GRIP1: variants seen among roughly 807,000 people sequenced by gnomAD.
The protein encoded by GRIP1 is glutamate receptor-interacting protein 1.
Under a neutral mutation model 129.9 loss-of-function variants are expected in GRIP1, and 45 were observed. That is an observed-to-expected ratio of 0.35 (90% CI 0.27 to 0.44). The LOEUF (loss-of-function observed/expected upper bound fraction) is 0.44. Among genes scored for constraint, GRIP1 ranks in the 20% least tolerant of loss-of-function variants. The pLI, the probability that GRIP1 is intolerant of heterozygous loss-of-function variation, is 1.00. For missense variants in GRIP1, 1,196 were observed against 1,396.8 expected (o/e 0.86, Z 2.29); for synonymous variants, 530 against 520.8 (o/e 1.02, Z -0.24).
At chr12:66,454,011 T>A (rs58720434) in intron 11 of GRIP1, among the ~76,000 whole-genome samples, 35,071 of 152,228 alleles carry the variant, frequency 0.23, 4,535 homozygotes, top group Middle Eastern at 0.42. Flanking sequence ...CCTAATTTCA[T>A]TTTTACTATC....
intron 1 of GRIP1, among the ~76,000 whole-genome samples, chr12:66,831,222 C>T (rs1258427527): frequency 2.0e-5 from 3 of 152,134 alleles, no homozygotes; most frequent in East Asian, 1.9e-4. Flanking sequence ...ACCAGCTACA[C>T]GGCTATGTAG....
intron 1 of GRIP1, among the ~76,000 whole-genome samples, chr12:66,980,695 A>T (rs980981926): frequency 6.6e-6 from 1 of 152,234 alleles, no homozygotes; most frequent in African/African-American, 2.4e-5. Flanking sequence ...AAATGAGAAA[A>T]TTGAGACAAG....
rs531621246 is a variant in GRIP1 at position 66,932,023 on chromosome 12, G to A, written c.58+137027C>T. 7.9e-5 allele frequency among the ~76,000 whole-genome samples: 12 copies of A among 151,964 alleles called. 1 individual carries two copies. The highest frequency in any genetic ancestry group is 4.2e-4 in the South Asian group (2 of 4,810). On this transcript the variant is annotated intron_variant, in intron 1 of 1. Coordinates refer to the GRIP1 transcript ENST00000643019. ...AAAAGTAAAATTCTTTTGAATAGTCGTAAAAATATATGTATTTTTACAAGT... is the reference window on the plus strand; with the variant it reads ...AAAAGTAAAATTCTTTTGAATAGTCATAAAAATATATGTATTTTTACAAGT...
intron 1 of GRIP1, among the ~76,000 whole-genome samples, chr12:66,965,682 G>C (rs1475620867): frequency 6.6e-6 from 1 of 151,796 alleles, no homozygotes; most frequent in Admixed American, 6.6e-5. Flanking sequence ...TCATCAGTGA[G>C]ACCTAAGAAG....
At chr12:66,995,249 A>G (rs1292331697) in intron 1 of GRIP1, among the ~76,000 whole-genome samples, 2 of 152,090 alleles carry the variant, frequency 1.3e-5, no homozygotes, top group Admixed American at 1.3e-4. Flanking sequence ...AACTCATGGA[A>G]GAAATTATAA....
chr12:66,568,507 G>A, intron 2 of GRIP1: 1 of 180,518 alleles, frequency 5.5e-6, no homozygotes, highest in Non-Finnish European at 1.2e-5. Context: ...CTCATCATGT[G>A]AATCAAGAGT....
intron 23 of GRIP1, among the ~76,000 whole-genome samples, chr12:66,357,665 T>C (rs1361489205): frequency 1.3e-5 from 2 of 152,382 alleles, no homozygotes; most frequent in Non-Finnish European, 1.5e-5. Flanking sequence ...TTAGCCTAAA[T>C]GATTTTGTAA....
chr12:66,399,653 A>G (rs560810877), intron 16 of GRIP1, among the ~76,000 whole-genome samples: 1 of 152,130 alleles, frequency 6.6e-6, no homozygotes, highest in East Asian at 1.9e-4. Flanking sequence ...AAATTGCTGC[A>G]TTACTTATCT....
At chr12:66,744,868 G>A (rs951807485) in intron 1 of GRIP1, among the ~76,000 whole-genome samples, 3 of 152,110 alleles carry the variant, frequency 2.0e-5, no homozygotes, top group Non-Finnish European at 4.4e-5. Context: ...TATTAATACT[G>A]CTGACATTTA....
At chr12:66,589,020 A>AT (rs58488996) in intron 2 of GRIP1, among the ~76,000 whole-genome samples, 3 of 151,508 alleles carry the variant, frequency 2.0e-5, no homozygotes, top group African/African-American at 7.3e-5. Context: ...AAATAAATAA[A>AT]AGAACTTCAG....
At chr12:66,804,264 A>T (rs2136927546), upstream of GRIP1, 1 of 376,094 alleles carries the variant, frequency 2.7e-6, no homozygotes, top group African/African-American at 2.1e-5. Context: ...CCGGTGGAGC[A>T]TGAATGACCA....
chr12:67,062,405 T>C (rs2043551373), intron 1 of GRIP1, among the ~76,000 whole-genome samples: 2 of 152,172 alleles, frequency 1.3e-5, no homozygotes, highest in Admixed American at 6.5e-5. Flanking sequence ...CTTTGGAACA[T>C]ACCATGCTCC....
intron 1 of GRIP1, among the ~76,000 whole-genome samples, chr12:67,052,190 T>C (rs780406593): frequency 1.1e-4 from 16 of 152,228 alleles, no homozygotes; most frequent in Non-Finnish European, 2.1e-4. Flanking sequence ...CAAGAAGTTA[T>C]TGTGTTACCA....
chr12:66,612,411 C>T (rs1261937980), intron 1 of GRIP1, among the ~76,000 whole-genome samples: 1 of 152,132 alleles, frequency 6.6e-6, no homozygotes, highest in Non-Finnish European at 1.5e-5. Context: ...GTAATTCCAG[C>T]ACTTTGGGAG....
At chr12:66,555,326 G>A (rs1164437682) in intron 2 of GRIP1, among the ~76,000 whole-genome samples, 1 of 152,084 alleles carries the variant, frequency 6.6e-6, no homozygotes, top group Admixed American at 6.6e-5. Flanking sequence ...GAGTCTATAA[G>A]AGCCATAGCA....
At chr12:66,776,747 A>G (rs1395102307) in intron 1 of GRIP1, among the ~76,000 whole-genome samples, 3 of 152,218 alleles carry the variant, frequency 2.0e-5, no homozygotes, top group African/African-American at 7.2e-5. Flanking sequence ...AGTGACGCCA[A>G]TAAGAGAATA....
chr12:66,884,747 T>C (rs1030676790), intron 1 of GRIP1, among the ~76,000 whole-genome samples: 1 of 152,040 alleles, frequency 6.6e-6, no homozygotes, highest in African/African-American at 2.4e-5. Context: ...AGAAACAATA[T>C]ATAAAACAGA....
intron 1 of GRIP1, among the ~76,000 whole-genome samples, chr12:67,052,790 G>A (rs1275695833): frequency 6.8e-6 from 1 of 146,444 alleles, no homozygotes; most frequent in African/African-American, 2.6e-5. Flanking sequence ...GGGAGGGACG[G>A]AGGGAGGGAG....
At chr12:66,874,002 A>T (rs1044129843) in intron 1 of GRIP1, among the ~76,000 whole-genome samples, 7 of 152,108 alleles carry the variant, frequency 4.6e-5, no homozygotes, top group Admixed American at 6.6e-5. Context: ...AAGTTCTGCT[A>T]CAAAGGGTCT....
Sources: allele counts gnomAD v4.1 joint callset (sites outside exome capture counted in the v4.1 genomes callset), GRCh38; gene constraint gnomAD v4.1.1; transcripts MANE v1.5; gene names NCBI Gene and HGNC (gene_info 2026-07-23, HGNC 2026-07-21).